Variants in SLC30A9 observed in about 807,000 individuals in gnomAD.
SLC30A9 encodes solute carrier family 30 member 9.
A neutral mutation model predicts 87.5 loss-of-function variants in SLC30A9; 58 were observed. The observed-to-expected ratio is 0.66, with a 90% CI of 0.54 to 0.82. The LOEUF (loss-of-function observed/expected upper bound fraction) is 0.82. Ranked by LOEUF, SLC30A9 falls within the 40% of genes least tolerant of loss-of-function variation. The pLI is 0.00. For missense variants in SLC30A9, 557 were observed against 679.1 expected (o/e 0.82, Z 2.00); for synonymous variants, 234 against 233.0 (o/e 1.00, Z -0.04).
intron 8 of SLC30A9, among the ~76,000 whole-genome samples, chr4:42,048,077 G>T (rs773891761): frequency 2.0e-5 from 3 of 151,966 alleles, no homozygotes; most frequent in Admixed American, 6.6e-5. Context: ...GGGCCTATTG[G>T]GGGGTGGGTG....
chr4:42,067,792 C>A (rs1219073300), intron 14 of SLC30A9, among the ~76,000 whole-genome samples: 1 of 152,122 alleles, frequency 6.6e-6, no homozygotes, highest in East Asian at 1.9e-4. Context: ...TCTAAATAGT[C>A]CCAATCTGAG....
intron 1 of SLC30A9, among the ~76,000 whole-genome samples, chr4:41,991,633 T>G (rs554198962): frequency 2.6e-4 from 39 of 152,272 alleles, no homozygotes; most frequent in African/African-American, 9.4e-4. Flanking sequence ...ACATTCATGT[T>G]CGAAGCCAGG....
chr4:42,001,851 G>T, intron 2 of SLC30A9, 71 bp downstream of exon 2: 1 of 1,125,168 alleles, frequency 8.9e-7, no homozygotes, highest in South Asian at 1.5e-5. Context: ...TTTGTTCCCT[G>T]GATGTTTGAT....
intron 4 of SLC30A9, chr4:42,020,912 A>G (rs1270135336): frequency 6.5e-6 from 1 of 154,478 alleles, no homozygotes; most frequent in African/African-American, 2.4e-5. Context: ...AGTGAGTTAA[A>G]TTTATGTTCA....
At chr4:42,063,187 C>G (rs2153139925) in intron 11 of SLC30A9, 66 bp downstream of exon 11, 1 of 1,451,874 alleles carries the variant, frequency 6.9e-7, no homozygotes, top group African/African-American at 1.4e-5. Context: ...CAGTAGAAGG[C>G]CTTTGTCATA....
chr4:42,044,613 A>C (rs962425150), intron 8 of SLC30A9, among the ~76,000 whole-genome samples: 1 of 152,212 alleles, frequency 6.6e-6, no homozygotes, highest in Non-Finnish European at 1.5e-5. Flanking sequence ...ACACAGGAAT[A>C]GTGGGACACT....
chr4:42,065,620 G>A (rs1718050088), intron 12 of SLC30A9, among the ~76,000 whole-genome samples: 1 of 152,202 alleles, frequency 6.6e-6, no homozygotes, highest in South Asian at 2.1e-4. Flanking sequence ...GAGCTGCTAG[G>A]ATAGGCTCAA....
chr4:42,005,118 A>T (rs1004695560), intron 2 of SLC30A9, among the ~76,000 whole-genome samples: 1 of 152,222 alleles, frequency 6.6e-6, no homozygotes, highest in Admixed American at 6.5e-5. Context: ...TTCTCACTAT[A>T]TGAGACTTTT....
At chr4:42,008,496 C>T (rs1307365825) in intron 2 of SLC30A9, among the ~76,000 whole-genome samples, 1 of 152,094 alleles carries the variant, frequency 6.6e-6, no homozygotes, top group African/African-American at 2.4e-5. Flanking sequence ...TAACCTGGAA[C>T]TAAAGATTTA....
chr4:42,062,568 T>C (rs1717900407), intron 10 of SLC30A9, among the ~76,000 whole-genome samples: 1 of 152,190 alleles, frequency 6.6e-6, no homozygotes, highest in African/African-American at 2.4e-5. Context: ...ATTATAGGTA[T>C]TATAAATAAT....
intron 15 of SLC30A9, among the ~76,000 whole-genome samples, chr4:42,074,397 G>A (rs1047796179): frequency 2.6e-5 from 4 of 152,164 alleles, no homozygotes; most frequent in African/African-American, 9.7e-5. Context: ...TTTCTTATAT[G>A]TGCTGTACAG....
intron 9 of SLC30A9, among the ~76,000 whole-genome samples, chr4:42,056,063 T>C: frequency 6.6e-6 from 1 of 152,116 alleles, no homozygotes; most frequent in African/African-American, 2.4e-5. Context: ...GGAGAGCTGG[T>C]TGGGGTGGTC....
chr4:42,007,373 A>G (rs1402973358), intron 2 of SLC30A9, among the ~76,000 whole-genome samples: 4 of 152,188 alleles, frequency 2.6e-5, no homozygotes, highest in East Asian at 1.9e-4. Context: ...ATAGGTGCCT[A>G]TGGAAGGTCT....
At chr4:42,086,033 C>A (rs575729814) in intron 17 of SLC30A9, 49 bp from the exon 18 acceptor site, 5 of 879,976 alleles carry the variant, frequency 5.7e-6, no homozygotes, top group South Asian at 4.3e-5. Flanking sequence ...TAAAAAGAAA[C>A]AAGATTTTAT....
intron 17 of SLC30A9, among the ~76,000 whole-genome samples, chr4:42,084,951 T>G (rs890965183): frequency 1.1e-4 from 17 of 152,230 alleles, no homozygotes; most frequent in Admixed American, 1.1e-3. Flanking sequence ...CTTCAATGCC[T>G]GGCACAGAGT....
chr4:42,058,100 CAAAA>C (rs35993518), intron 9 of SLC30A9, among the ~76,000 whole-genome samples: 7 of 109,770 alleles, frequency 6.4e-5, no homozygotes, highest in Admixed American at 2.7e-4. Context: ...GACTTTGTCT[CAAAA>C]AAAAAAAAAA....
intron 1 of SLC30A9, among the ~76,000 whole-genome samples, chr4:41,994,813 G>A (rs1260757787): frequency 2.5e-5 from 3 of 118,102 alleles, no homozygotes; most frequent in Admixed American, 1.0e-4. Context: ...GCTTGAACCC[G>A]TCAGATGTGG....
At chr4:42,063,430 A>C (rs936316161) in intron 11 of SLC30A9, among the ~76,000 whole-genome samples, 3 of 152,246 alleles carry the variant, frequency 2.0e-5, no homozygotes, top group Non-Finnish European at 2.9e-5. Flanking sequence ...ACCTCTGTTC[A>C]CTTTTGGTCC....
intron 15 of SLC30A9, among the ~76,000 whole-genome samples, chr4:42,072,632 TTTA>T (rs1718356672): frequency 6.6e-6 from 1 of 152,150 alleles, no homozygotes; most frequent in Non-Finnish European, 1.5e-5. Flanking sequence ...GTTCTGTCCT[TTTA>T]AATTTACCAA....
Sources: allele counts gnomAD v4.1 joint callset (sites outside exome capture counted in the v4.1 genomes callset), GRCh38; gene constraint gnomAD v4.1.1; transcripts MANE v1.5; gene names NCBI Gene and HGNC (gene_info 2026-07-23, HGNC 2026-07-21).